The following ANKRD30A variants were observed in gnomAD, a reference collection of about 807,000 sequenced individuals.
The protein encoded by ANKRD30A is ankyrin repeat domain-containing protein 30A.
Under a neutral mutation model 166.3 loss-of-function variants are expected in ANKRD30A, and 170 were observed. The ratio of observed to expected loss-of-function variants is 1.02; its 90% CI spans 0.90 to 1.16. The LOEUF is 1.16. Ranked by LOEUF, ANKRD30A falls within the 50% of genes most tolerant of loss-of-function variation. The probability of loss-of-function intolerance (pLI) is 0.00; values close to 1 mark genes in which losing one functional copy is unlikely to be tolerated. For missense variants in ANKRD30A, 1,630 were observed against 1,518.0 expected, an observed-to-expected ratio of 1.07 and a Z score of -1.23; for synonymous variants, 564 against 508.9, an observed-to-expected ratio of 1.11 and a Z score of -1.46.
intron 27 of ANKRD30A, among the ~76,000 whole-genome samples, chr10:37,194,578 C>A (rs1840906252): frequency 6.6e-6 from 1 of 152,142 alleles, no homozygotes; most frequent in South Asian, 2.1e-4. Context: ...ATCTCCTGAC[C>A]TTGTGATGCG....
intron 8 of ANKRD30A, among the ~76,000 whole-genome samples, chr10:37,145,727 C>G (rs1027537409): frequency 6.7e-6 from 1 of 150,040 alleles, no homozygotes; most frequent in Non-Finnish European, 1.5e-5. Flanking sequence ...TATATCTAGA[C>G]GTACAAAAAT....
At chr10:37,239,895 T>C in the ANKRD30A span, among the ~76,000 whole-genome samples, 1 of 152,168 alleles carries the variant, frequency 6.6e-6, no homozygotes, top group African/African-American at 2.4e-5. Context: ...GGATAGTTTC[T>C]CTTCTTAAAA....
chr10:37,158,392 A>C lies in ANKRD30A; in HGVS notation c.1799A>C (p.Glu600Ala). 1.2e-6 allele frequency: 2 copies of C among 1,609,042 alleles called. No individual in the cohort carries two copies. Among genetic ancestry groups the C allele is most frequent in the Non-Finnish European group, 1.7e-6 (2 of 1,176,346 alleles). ...EIDKINGKLE[E>A]SPNKDGLLKA... ...ATTATGTATGTCCCTTTTCTTATAG[A>C]GTCTCCTAATAAAGATGGTCTTCTG... The change falls in exon 14 of 36, where the codon GAG becomes GCG. Residue 600 changes from glutamate (E) to alanine (A), a missense_variant and splice_region_variant. By Grantham distance (107) the Glu-to-Ala change is moderately radical. This residue lies in a region of ANKRD30A where 904 missense variants were observed against 818.5 expected (regional missense o/e 1.10). Coordinates refer to ENST00000361713, the MANE Select transcript of ANKRD30A (RefSeq NM_052997.3).
At chr10:37,209,715 G>A (rs992892599) in intron 31 of ANKRD30A, among the ~76,000 whole-genome samples, 1 of 152,070 alleles carries the variant, frequency 6.6e-6, no homozygotes, top group African/African-American at 2.4e-5. Flanking sequence ...ACTCACCAGT[G>A]TAGGATTCTT....
intron 13 of ANKRD30A, 77 bp from the exon 14 acceptor site, chr10:37,158,315 T>C (rs962790961): frequency 6.5e-7 from 1 of 1,528,430 alleles, no homozygotes; most frequent in Non-Finnish European, 9.0e-7. Context: ...TTCATCTTCA[T>C]GTTCACACTG....
the ANKRD30A span, among the ~76,000 whole-genome samples, chr10:37,263,257 T>C: frequency 1.3e-5 from 2 of 151,766 alleles, no homozygotes; most frequent in South Asian, 2.1e-4. Context: ...TCTCCTAAGA[T>C]AGCAGTCCCC....
downstream of ANKRD30A, among the ~76,000 whole-genome samples, chr10:37,234,508 C>T (rs1259778983): frequency 6.6e-6 from 1 of 151,946 alleles, no homozygotes; most frequent in East Asian, 1.9e-4. Context: ...TAAGACAATT[C>T]ATGGCACCCA....
At chr10:37,191,350 T>G (rs560612048) in intron 25 of ANKRD30A, among the ~76,000 whole-genome samples, 6 of 152,150 alleles carry the variant, frequency 3.9e-5, no homozygotes, top group Admixed American at 2.6e-4. Flanking sequence ...CTTTTTCTGA[T>G]GAGATGTCAA....
intron 31 of ANKRD30A, among the ~76,000 whole-genome samples, chr10:37,213,776 T>C (rs1842469082): frequency 6.6e-6 from 1 of 151,716 alleles, no homozygotes; most frequent in African/African-American, 2.4e-5. Context: ...TTTGGATGTA[T>C]GTTACTTAAT....
rs61866717 is a variant in ANKRD30A at position 37,125,751 on chromosome 10, G to C, written c.-37G>C. On this transcript the variant is annotated 5_prime_UTR_variant, in exon 1 of 36. Transcript: ENST00000361713. ...GGGGTGGTGGCTGGGAAGGGCGATC[G>C]GGAGGCGCGGGCACTCTCTAGCAGG... is the stretch of plus-strand genomic sequence containing the variant. The C allele has an allele frequency of 0.05, 28,942 of 581,142 alleles. 846 individuals are homozygous for C. Among genetic ancestry groups the C allele is most frequent in the Non-Finnish European group, 0.057 (18,456 of 321,220 alleles). 36.0% of individuals were successfully genotyped at this position (581,142 alleles called of 1,614,324 possible).
At chr10:37,213,901 GATATGATCTAGA>G (rs1842474882) in intron 31 of ANKRD30A, among the ~76,000 whole-genome samples, 2 of 151,428 alleles carry the variant, frequency 1.3e-5, no homozygotes. Context: ...CTTTTATTAA[GATATGATCTAGA>G]ATATAGTCTT....
the ANKRD30A span, among the ~76,000 whole-genome samples, chr10:37,238,618 T>G: frequency 1.3e-5 from 2 of 152,192 alleles, no homozygotes; most frequent in Non-Finnish European, 2.9e-5. Flanking sequence ...AATCAAATTT[T>G]TGTGTTATCT....
chr10:37,219,858 C>T lies in ANKRD30A; in HGVS notation c.4146C>T (p.Asn1382=). 1 of 1,549,198 alleles carries T rather than the reference C, an allele frequency of 6.5e-7. No individual in the cohort carries two copies. Among genetic ancestry groups the T allele is most frequent in the Middle Eastern group, 1.7e-4 (1 of 5,784 alleles). Residue 1382 remains asparagine (N), a synonymous_variant, in exon 34 of 36, where the codon AAC becomes AAT. Transcript: ENST00000361713. ...TTAATTACAATAACCATTTAAAAAA[C>T]CGTATATATCAATATGAAAAAGAGA... is the stretch of plus-strand genomic sequence containing the variant. ...EIFNYNNHLK[N]RIYQYEKEKA...
At chr10:37,189,957 T>G (rs1422319750) in intron 25 of ANKRD30A, among the ~76,000 whole-genome samples, 1 of 151,822 alleles carries the variant, frequency 6.6e-6, no homozygotes, top group Non-Finnish European at 1.5e-5. Flanking sequence ...GTTAGAAATT[T>G]GGGAAGAATA....
intron 27 of ANKRD30A, among the ~76,000 whole-genome samples, chr10:37,195,507 A>C (rs923678368): frequency 1.7e-4 from 26 of 152,264 alleles, no homozygotes; most frequent in Admixed American, 6.5e-4. Flanking sequence ...ATCTGGTTGT[A>C]ACTCCAGCAG....
intron 34 of ANKRD30A, 66 bp downstream of exon 34, chr10:37,219,963 C>T (rs1588950555): frequency 8.4e-7 from 1 of 1,195,872 alleles, no homozygotes; most frequent in African/African-American, 1.7e-5. Flanking sequence ...CATATTTGGC[C>T]TTGGCTAAAT....
intron 3 of ANKRD30A, among the ~76,000 whole-genome samples, 174 bp downstream of exon 3, chr10:37,130,552 T>TA (rs1836322718): frequency 6.6e-6 from 1 of 152,238 alleles, no homozygotes; most frequent in Non-Finnish European, 1.5e-5. Context: ...CAAGAACTAT[T>TA]AGAGAGTATG....
At chr10:37,238,804 C>A in the ANKRD30A span, among the ~76,000 whole-genome samples, 1 of 152,058 alleles carries the variant, frequency 6.6e-6, no homozygotes. Context: ...ATATAATATT[C>A]TTCCAGTAAA....
At chr10:37,139,202 A>G (rs1406143760) in intron 6 of ANKRD30A, among the ~76,000 whole-genome samples, 1 of 152,248 alleles carries the variant, frequency 6.6e-6, no homozygotes, top group African/African-American at 2.4e-5. Flanking sequence ...CAACATTTGA[A>G]TATTATAACC....
Sources: gnomAD v4.1 joint callset for allele counts (sites outside exome capture counted in the v4.1 genomes callset) on GRCh38, gnomAD v4.1.1 for gene constraint, gnomAD v4.1.1 regional missense constraint, MANE v1.5 for transcripts, NCBI Gene and HGNC (gene_info 2026-07-23, HGNC 2026-07-21) for gene names.